Variants in TPM1 observed in about 807,000 individuals in gnomAD.
The protein encoded by TPM1 is tropomyosin 1.
TPM1 carries 24 observed loss-of-function variants against 42.9 expected under a neutral mutation model. The observed-to-expected ratio is 0.56, with a 90% CI of 0.41 to 0.79. The LOEUF is 0.79. Ranked by LOEUF, TPM1 falls within the 30% of genes least tolerant of loss-of-function variation. TPM1 has a pLI of 0.00. For missense variants in TPM1, 158 were observed against 351.8 expected (o/e 0.45, Z 4.41); for synonymous variants, 136 against 130.1 (o/e 1.05, Z -0.31).
chr15:63,048,612 A>G, intron 2 of TPM1: 1 of 1,534,138 alleles, frequency 6.5e-7, no homozygotes, highest in Non-Finnish European at 8.8e-7. Flanking sequence ...GGTGCGCAGG[A>G]AGATCCGGAG....
chr15:63,070,235 C>T, downstream of TPM1: 3 of 1,180,060 alleles, frequency 2.5e-6, no homozygotes, highest in Non-Finnish European at 3.2e-6. Context: ...TAATGAGGAG[C>T]CCCCCCAAAA....
intron 2 of TPM1, chr15:63,049,061 T>C: frequency 3.3e-6 from 1 of 302,812 alleles, no homozygotes; most frequent in South Asian, 2.7e-5. Context: ...GCTGGCTTGC[T>C]TTACTCTGAG....
downstream of TPM1, among the ~76,000 whole-genome samples, chr15:63,066,651 C>T (rs2036292967): frequency 6.6e-6 from 1 of 152,122 alleles, no homozygotes; most frequent in Non-Finnish European, 1.5e-5. Context: ...TGGTTATTGT[C>T]GATCATCCTT....
downstream of TPM1, among the ~76,000 whole-genome samples, chr15:63,066,473 C>T (rs553407047): frequency 2.0e-5 from 3 of 152,186 alleles, no homozygotes; most frequent in South Asian, 2.1e-4. Flanking sequence ...AGGTTTAGCT[C>T]GGGATGTAGT....
Position 63,064,114 on chromosome 15 carries a change from G to T in TPM1, c.823G>T (p.Asp275Tyr). Residue 275 changes from aspartate (D) to tyrosine (Y), a missense_variant, in exon 9 of 10, where the codon GAC (aspartate) becomes TAC (tyrosine). Asp to Tyr is a radical substitution (Grantham distance 160). Around this residue, in one of 4 missense-constraint regions of TPM1, gnomAD observed 64 missense variants for 95.8 expected, o/e 0.67. Transcript: ENST00000403994. ...LKYKAISEEL[D>Y]HALNDMTSI ...GTACAAAGCCATCAGCGAGGAGCTG[G>T]ACCACGCTCTCAACGATATGACTTC... 1 of 1,614,042 alleles carries T rather than the reference G, an allele frequency of 6.2e-7. No homozygotes were observed. Among genetic ancestry groups the T allele is most frequent in the Non-Finnish European group, 8.5e-7 (1 of 1,180,008 alleles).
At chr15:63,056,834 C>T (rs2034878575) in intron 2 of TPM1, 151 bp from the exon 3 acceptor site, 1 of 991,666 alleles carries the variant, frequency 1.0e-6, no homozygotes, top group Non-Finnish European at 1.6e-6. Flanking sequence ...CCGAGAACTC[C>T]AGAGTTGATG....
chr15:63,052,496 C>G (rs1266420572), intron 2 of TPM1, among the ~76,000 whole-genome samples: 1 of 151,432 alleles, frequency 6.6e-6, no homozygotes, highest in Non-Finnish European at 1.5e-5. Flanking sequence ...GCACTCCAGC[C>G]TGGGAGACAG....
At chr15:63,063,807 T>G in intron 8 of TPM1, 5 of 486,898 alleles carry the variant, frequency 1.0e-5, no homozygotes, top group Non-Finnish European at 1.1e-5. Context: ...ATACCTACCA[T>G]ATTTGTTAGG....
At chr15:63,062,111 G>A (rs2035716231) in intron 6 of TPM1, 104 bp from the exon 7 acceptor site, 1 of 1,013,600 alleles carries the variant, frequency 9.9e-7, no homozygotes, top group East Asian at 2.5e-5. Context: ...TACCTCCTAA[G>A]AGATCCTTAA....
rs769951937 is a variant in TPM1 at position 63,061,784 on chromosome 15, A to T, written c.635A>T (p.Glu212Val). Residue 212 changes from glutamate to valine, a missense_variant, in exon 6 of 10, where the codon GAG becomes GTG. Coordinates refer to ENST00000403994, the MANE Select transcript of TPM1 (RefSeq NM_001018005.2). Reference sequence around the variant, plus strand: ...TTGAAGTCACTGGAGGCTCAGGCTGAGAAGGTAGGCCAGGAGGATGGTGTG... The same window carrying T: ...TTGAAGTCACTGGAGGCTCAGGCTGTGAAGGTAGGCCAGGAGGATGGTGTG... Reference protein sequence around the residue: ...NNLKSLEAQAEKYSQKEDRYE... With the variant: ...NNLKSLEAQAVKYSQKEDRYE... The T allele has an allele frequency of 6.2e-7, 1 of 1,614,136 alleles. No individual in the cohort carries two copies. The highest frequency in any genetic ancestry group is 2.2e-5 in the East Asian group (1 of 44,882).
rs2031477024 is a variant in TPM1, at chr15:63,042,999, C to A, written c.114+56C>A. The A allele has an allele frequency of 2.7e-6, 4 of 1,472,024 alleles. No individual in the cohort carries two copies. The Admixed American group carries it at 5.9e-5, about 22-fold the overall frequency. 91.2% of individuals were successfully genotyped at this position (1,472,024 alleles called of 1,614,324 possible). ...CCAGAGCGCCGGGACTCGAGCCTGG[C>A]ACCCCCGGCTGGATCCCCACCCCGA... is the stretch of plus-strand genomic sequence containing the variant. On this transcript the variant is annotated intron_variant, in intron 1 of 9. Transcript: ENST00000403994.
intron 7 of TPM1, 124 bp downstream of exon 7, chr15:63,062,401 T>C (rs2140971875): frequency 7.8e-7 from 1 of 1,282,056 alleles, no homozygotes; most frequent in African/African-American, 1.5e-5. Context: ...AAGGTCGCCT[T>C]GGAGTTTATG....
rs371422617 is a variant in TPM1 at position 63,042,971 on chromosome 15, C to A, written c.114+28C>A. Reference sequence around the variant, plus strand: ...CTGCGCCTCCCCGGCCCTGCGCCCGCGCCCAGAGCGCCGGGACTCGAGCCT... The same window carrying A: ...CTGCGCCTCCCCGGCCCTGCGCCCGAGCCCAGAGCGCCGGGACTCGAGCCT... On this transcript the variant is annotated intron_variant, in intron 1 of 9. Transcript: ENST00000403994. 3 of 1,559,492 alleles carry A rather than the reference C, an allele frequency of 1.9e-6. No homozygotes were observed. In the East Asian group the frequency reaches 7.1e-5, roughly 37 times the overall value.
At chr15:63,048,570 G>A in intron 2 of TPM1, 1 of 1,524,510 alleles carries the variant, frequency 6.6e-7, no homozygotes, top group Non-Finnish European at 8.8e-7. Flanking sequence ...CCTACCGTCC[G>A]GCGCGATGGC....
At chr15:63,070,637 A>C, downstream of TPM1, 1 of 1,002,192 alleles carries the variant, frequency 1.0e-6, no homozygotes, top group Non-Finnish European at 1.2e-6. Flanking sequence ...TTCTCAGAAA[A>C]CCTATTTATG....
At chr15:63,062,369 T>A in intron 7 of TPM1, 92 bp downstream of exon 7, 1 of 1,403,206 alleles carries the variant, frequency 7.1e-7, no homozygotes, top group Non-Finnish European at 1.0e-6. Context: ...AAAGTTCCAA[T>A]GATCCAAGTC....
intron 2 of TPM1, among the ~76,000 whole-genome samples, chr15:63,051,547 T>TCC (rs1555405872): frequency 6.6e-6 from 1 of 150,976 alleles, no homozygotes; most frequent in Non-Finnish European, 1.5e-5. Flanking sequence ...TTTTTTTTTT[T>TCC]CCCCCCTTTC....
intron 2 of TPM1, among the ~76,000 whole-genome samples, chr15:63,051,357 C>CT (rs1327070766): frequency 1.3e-5 from 2 of 152,080 alleles, no homozygotes; most frequent in Non-Finnish European, 2.9e-5. Context: ...TGGCTGTTAA[C>CT]TGGAATGTAT....
chr15:63,071,586 T>C (rs2036607181), exon 9 of TPM1: 1 of 268,112 alleles, frequency 3.7e-6, no homozygotes, highest in Non-Finnish European at 7.3e-6. Context: ...TTGTACAATG[T>C]AGAACTCTGT....
Sources: gnomAD v4.1 joint callset for allele counts (sites outside exome capture counted in the v4.1 genomes callset) on GRCh38, gnomAD v4.1.1 for gene constraint, gnomAD v4.1.1 regional missense constraint, MANE v1.5 for transcripts, NCBI Gene and HGNC (gene_info 2026-07-23, HGNC 2026-07-21) for gene names.